ACSS3: variants seen among roughly 807,000 people sequenced by gnomAD.
The protein encoded by ACSS3 is acyl-CoA synthetase short-chain family member 3, mitochondrial.
A neutral mutation model predicts 84.2 loss-of-function variants in ACSS3; 64 were observed. That is an observed-to-expected ratio of 0.76 (90% CI 0.62 to 0.94). ACSS3 has a LOEUF of 0.94. Ranked by LOEUF, ACSS3 falls within the 40% of genes least tolerant of loss-of-function variation. ACSS3 has a pLI of 0.00. For missense variants in ACSS3, 815 were observed against 867.6 expected (o/e 0.94, Z 0.76); for synonymous variants, 317 against 310.1 (o/e 1.02, Z -0.23).
At chr12:81,220,112 C>G in intron 11 of ACSS3, 36 bp downstream of exon 11, 1 of 1,366,514 alleles carries the variant, frequency 7.3e-7, no homozygotes, top group South Asian at 1.5e-5. Flanking sequence ...TATTAAAGGG[C>G]AAAAACTGGT....
At chr12:81,120,332 A>G (rs1396960563) in intron 2 of ACSS3, among the ~76,000 whole-genome samples, 1 of 152,244 alleles carries the variant, frequency 6.6e-6, no homozygotes, top group Non-Finnish European at 1.5e-5. Flanking sequence ...GAAGAAAAAA[A>G]ATGTCCTTAC....
chr12:81,128,706 A>G (rs1225880155), intron 2 of ACSS3, among the ~76,000 whole-genome samples: 3 of 152,322 alleles, frequency 2.0e-5, no homozygotes, highest in South Asian at 2.1e-4. Flanking sequence ...CCTTTTGCTA[A>G]TAATAGAAAT....
intron 4 of ACSS3, among the ~76,000 whole-genome samples, chr12:81,142,554 A>T (rs951471464): frequency 1.7e-4 from 26 of 152,168 alleles, no homozygotes; most frequent in Admixed American, 1.6e-3. Flanking sequence ...TCAAAACTGG[A>T]TTTTAGTCTT....
intron 8 of ACSS3, among the ~76,000 whole-genome samples, chr12:81,189,361 CATG>C (rs1314867038): frequency 1.3e-5 from 2 of 152,104 alleles, no homozygotes; most frequent in Non-Finnish European, 2.9e-5. Context: ...TTCACCAGAA[CATG>C]ATATTTTCAG....
chr12:81,105,787 GTC>G (rs1882941205), intron 1 of ACSS3, among the ~76,000 whole-genome samples: 1 of 152,304 alleles, frequency 6.6e-6, no homozygotes, highest in Admixed American at 6.5e-5. Flanking sequence ...TTTTTAAAGA[GTC>G]TCTGCATTCA....
chr12:81,200,345 A>G (rs892402657), intron 9 of ACSS3, among the ~76,000 whole-genome samples: 2 of 152,206 alleles, frequency 1.3e-5, no homozygotes, highest in African/African-American at 4.8e-5. Flanking sequence ...TAGTTCAATG[A>G]ATTAGATCAA....
At chr12:81,175,029 T>C (rs984675106) in intron 8 of ACSS3, 90 bp downstream of exon 8, 1 of 1,386,342 alleles carries the variant, frequency 7.2e-7, no homozygotes, top group Non-Finnish European at 9.6e-7. Context: ...ACTGGAATAC[T>C]CTTATAGGAA....
intron 9 of ACSS3, 190 bp downstream of exon 9, chr12:81,199,634 G>C: frequency 6.7e-7 from 1 of 1,496,722 alleles, no homozygotes; most frequent in East Asian, 2.6e-5. Flanking sequence ...AAGTGACATT[G>C]ATGCCACCAT....
At chr12:81,199,281 A>G in intron 8 of ACSS3, 60 bp from the exon 9 acceptor site, 3 of 1,453,116 alleles carry the variant, frequency 2.1e-6, no homozygotes, top group East Asian at 4.9e-5. Flanking sequence ...TTTAAAATGT[A>G]AATACAATTA....
At chr12:81,172,680 C>A (rs957869577) in intron 7 of ACSS3, among the ~76,000 whole-genome samples, 2 of 152,084 alleles carry the variant, frequency 1.3e-5, no homozygotes, top group Non-Finnish European at 2.9e-5. Flanking sequence ...TCATAATTAT[C>A]TAAAACATTG....
rs1022349246 is a variant in ACSS3 at position 81,257,089 on chromosome 12, G to A, written c.*2167G>A. 2.0e-5 allele frequency: 3 copies of A among 152,092 alleles called. No homozygotes were observed. Among genetic ancestry groups the A allele is most frequent in the Non-Finnish European group, 4.4e-5 (3 of 68,004 alleles). The allele number at this position is 152,092 out of a possible 1,614,324, so 9.4% of individuals were successfully genotyped here. ...CATTTGCAAGGTTTAAGCTCAGGCAGATCCAATAATTAGGTAAAGGTTGCA... is the reference window on the plus strand; with the variant it reads ...CATTTGCAAGGTTTAAGCTCAGGCAAATCCAATAATTAGGTAAAGGTTGCA... On this transcript the variant is annotated 3_prime_UTR_variant, in exon 16 of 16. Transcript: ENST00000548058.
At chr12:81,236,605 G>A (rs1186023871) in intron 13 of ACSS3, among the ~76,000 whole-genome samples, 1 of 151,176 alleles carries the variant, frequency 6.6e-6, no homozygotes, top group Non-Finnish European at 1.5e-5. Flanking sequence ...CCATCATTTA[G>A]TGTTTTCAGA....
At chr12:81,207,653 A>T (rs1361718500) in intron 9 of ACSS3, among the ~76,000 whole-genome samples, 1 of 152,054 alleles carries the variant, frequency 6.6e-6, no homozygotes, top group East Asian at 1.9e-4. Context: ...ATTCAGATTC[A>T]AAAAAACTTG....
At chr12:81,088,014 C>G (rs1187314063) in intron 1 of ACSS3, among the ~76,000 whole-genome samples, 1 of 152,050 alleles carries the variant, frequency 6.6e-6, no homozygotes, top group Admixed American at 6.6e-5. Context: ...TTTCTTTTCT[C>G]GTCTGTTCTC....
At chr12:81,084,607 A>G (rs925678133) in intron 1 of ACSS3, among the ~76,000 whole-genome samples, 1 of 152,104 alleles carries the variant, frequency 6.6e-6, no homozygotes, top group Admixed American at 6.5e-5. Context: ...TTGAAGTGAA[A>G]GAGAGAAAGA....
chr12:81,171,459 A>G (rs891207906), intron 7 of ACSS3, among the ~76,000 whole-genome samples: 2 of 152,154 alleles, frequency 1.3e-5, no homozygotes, highest in African/African-American at 4.8e-5. Context: ...AAATAGGAAA[A>G]CATTTTATTC....
chr12:81,215,900 G>A (rs1593207959), intron 9 of ACSS3, among the ~76,000 whole-genome samples: 1 of 152,078 alleles, frequency 6.6e-6, no homozygotes, highest in Non-Finnish European at 1.5e-5. Context: ...AACAAATTTA[G>A]CATTTTTGTC....
chr12:81,087,436 G>T (rs900871249), intron 1 of ACSS3, among the ~76,000 whole-genome samples: 1 of 151,642 alleles, frequency 6.6e-6, no homozygotes, highest in African/African-American at 2.4e-5. Flanking sequence ...GGAGGAAAGA[G>T]GAAGAGAAGA....
At chr12:81,161,246 A>C (rs1394700399) in intron 7 of ACSS3, among the ~76,000 whole-genome samples, 1 of 152,238 alleles carries the variant, frequency 6.6e-6, no homozygotes, top group African/African-American at 2.4e-5. Context: ...GCACCAAGAA[A>C]AAAGAAATCA....
Sources: gnomAD v4.1 joint callset for allele counts (sites outside exome capture counted in the v4.1 genomes callset) on GRCh38, gnomAD v4.1.1 for gene constraint, MANE v1.5 for transcripts, NCBI Gene and HGNC (gene_info 2026-07-23, HGNC 2026-07-21) for gene names.